ESRRB: variants seen among roughly 807,000 people sequenced by gnomAD.
ESRRB encodes the protein estrogen related receptor beta, also known as steroid hormone receptor ERR2.
Under a neutral mutation model 46.0 loss-of-function variants are expected in ESRRB, and 16 were observed. The ratio of observed to expected loss-of-function variants is 0.35; its 90% confidence interval spans 0.24 to 0.53. The LOEUF (loss-of-function observed/expected upper bound fraction) is 0.53. Among genes scored for constraint, ESRRB ranks in the 20% least tolerant of loss-of-function variants. The pLI, the probability that ESRRB is intolerant of heterozygous loss-of-function variation, is 0.93. For missense variants in ESRRB, 488 were observed against 607.4 expected (o/e 0.80, Z 2.07); for synonymous variants, 246 against 259.6 (o/e 0.95, Z 0.50).
chr14:76,321,784 G>A (rs532157970), intron 1 of ESRRB, among the ~76,000 whole-genome samples: 10 of 152,240 alleles, frequency 6.6e-5, no homozygotes, highest in Admixed American at 5.2e-4. Context: ...CCATTCGGGA[G>A]GCTGAGGCAG....
chr14:76,460,709 A>ACTTTTTTTTTTTTTTTTTT (rs1888815333), intron 2 of ESRRB, among the ~76,000 whole-genome samples: 1 of 141,564 alleles, frequency 7.1e-6, no homozygotes, highest in Non-Finnish European at 1.5e-5. Flanking sequence ...TTCCAGTTAC[A>ACTTTTTTTTTTTTTTTTTT]TTTTTTTTTG....
chr14:76,422,944 C>A (rs545232711), intron 1 of ESRRB, among the ~76,000 whole-genome samples: 2 of 152,120 alleles, frequency 1.3e-5, no homozygotes, highest in Non-Finnish European at 1.5e-5. Flanking sequence ...TCCAGCCCCA[C>A]TTCCCACAGT....
intron 1 of ESRRB, among the ~76,000 whole-genome samples, chr14:76,342,567 A>G (rs1884204170): frequency 6.6e-6 from 1 of 152,250 alleles, no homozygotes; most frequent in African/African-American, 2.4e-5. Flanking sequence ...CCTGAAGCTC[A>G]GACAGGCAAA....
chr14:76,363,514 A>G (rs988011114), intron 1 of ESRRB, among the ~76,000 whole-genome samples: 8 of 152,318 alleles, frequency 5.3e-5, no homozygotes, highest in African/African-American at 1.7e-4. Flanking sequence ...CATAAAATCA[A>G]TTGGTTTCTT....
chr14:76,332,884 T>TTTATATATTA (rs1566853537), intron 1 of ESRRB, among the ~76,000 whole-genome samples: 15 of 20,228 alleles, frequency 7.4e-4, no homozygotes, highest in African/African-American at 1.9e-3. Flanking sequence ...TTTTTATATA[T>TTTATATATTA]TATATATTTA....
chr14:76,477,206 C>G (rs1404585581), intron 3 of ESRRB, among the ~76,000 whole-genome samples: 3 of 152,196 alleles, frequency 2.0e-5, no homozygotes, highest in African/African-American at 7.2e-5. Context: ...CTAAATGGCC[C>G]TAGCAAGTCC....
chr14:76,483,940 G>A (rs980299827), intron 5 of ESRRB, among the ~76,000 whole-genome samples: 16 of 151,994 alleles, frequency 1.1e-4, no homozygotes, highest in African/African-American at 3.1e-4. Context: ...TGCAACCTTC[G>A]CCCCCCAGGT....
chr14:76,425,985 C>T (rs995392990), intron 1 of ESRRB, among the ~76,000 whole-genome samples: 1 of 152,238 alleles, frequency 6.6e-6, no homozygotes, highest in African/African-American at 2.4e-5. Context: ...TCACCACTAA[C>T]TGCATTGATA....
intron 3 of ESRRB, among the ~76,000 whole-genome samples, chr14:76,477,203 G>A (rs1889617912): frequency 6.6e-6 from 1 of 152,222 alleles, no homozygotes; most frequent in African/African-American, 2.4e-5. Context: ...ACTCTAAATG[G>A]CCCTAGCAAG....
chr14:76,410,863 A>C (rs1566882855), intron 1 of ESRRB, among the ~76,000 whole-genome samples: 1 of 151,876 alleles, frequency 6.6e-6, no homozygotes, highest in Non-Finnish European at 1.5e-5. Flanking sequence ...AGCTCACTGC[A>C]ACCTCCCCCT....
chr14:76,417,205 C>G (rs528666422), intron 1 of ESRRB, among the ~76,000 whole-genome samples: 1 of 152,048 alleles, frequency 6.6e-6, no homozygotes, highest in Non-Finnish European at 1.5e-5. Flanking sequence ...TTCCCTGAAA[C>G]GTGACATCTC....
intron 6 of ESRRB, among the ~76,000 whole-genome samples, 160 bp downstream of exon 6, chr14:76,491,876 T>C (rs1890247145): frequency 6.6e-6 from 1 of 152,236 alleles, no homozygotes. Flanking sequence ...AGGGGTGGCC[T>C]GCAGATAAAA....
intron 1 of ESRRB, among the ~76,000 whole-genome samples, chr14:76,338,911 C>G (rs1298011206): frequency 6.6e-6 from 1 of 152,180 alleles, no homozygotes; most frequent in African/African-American, 2.4e-5. Flanking sequence ...CCATTGCACT[C>G]TAGCCTGGGC....
At chr14:76,457,078 T>G (rs1307927752) in intron 2 of ESRRB, among the ~76,000 whole-genome samples, 1 of 152,168 alleles carries the variant, frequency 6.6e-6, no homozygotes, top group African/African-American at 2.4e-5. Flanking sequence ...TCTCTGCAGC[T>G]GTTCATGAAC....
chr14:76,481,557 T>C (rs940668178), intron 3 of ESRRB, among the ~76,000 whole-genome samples: 1 of 152,242 alleles, frequency 6.6e-6, no homozygotes, highest in Non-Finnish European at 1.5e-5. Flanking sequence ...AATTGACATT[T>C]GTAATGAGCG....
intron 1 of ESRRB, among the ~76,000 whole-genome samples, chr14:76,365,868 G>C (rs1218372421): frequency 6.6e-6 from 1 of 152,156 alleles, no homozygotes; most frequent in Non-Finnish European, 1.5e-5. Context: ...CTGACTTTTA[G>C]TCGGTGTAAG....
At chr14:76,312,038 C>T (rs1389471174) in intron 1 of ESRRB, among the ~76,000 whole-genome samples, 1 of 128,186 alleles carries the variant, frequency 7.8e-6, no homozygotes, top group African/African-American at 2.7e-5. Flanking sequence ...TTAAATGTAC[C>T]TTTTTTTTTT....
intron 1 of ESRRB, among the ~76,000 whole-genome samples, chr14:76,396,276 T>C: frequency 6.6e-6 from 1 of 152,128 alleles, no homozygotes; most frequent in Non-Finnish European, 1.5e-5. Context: ...TGAGTAAAAA[T>C]AAAAATCAAG....
chr14:76,443,101 C>T (rs1360756183), intron 2 of ESRRB, among the ~76,000 whole-genome samples: 1 of 152,074 alleles, frequency 6.6e-6, no homozygotes, highest in Non-Finnish European at 1.5e-5. Flanking sequence ...CAGGCATGAG[C>T]CACCGCGCCC....
Sources: gnomAD v4.1 joint callset for allele counts (sites outside exome capture counted in the v4.1 genomes callset) on GRCh38, gnomAD v4.1.1 for gene constraint, MANE v1.5 for transcripts, NCBI Gene and HGNC (gene_info 2026-07-23, HGNC 2026-07-21) for gene names.